CMSS1: variants seen among roughly 807,000 people sequenced by gnomAD.
CMSS1 encodes the protein protein CMSS1.
CMSS1 carries 33 observed loss-of-function variants against 43.5 expected under a neutral mutation model. The ratio of observed to expected loss-of-function variants is 0.76; its 90% confidence interval spans 0.57 to 1.01. The LOEUF is 1.01. CMSS1 is among the 50% of genes least tolerant of loss of function. CMSS1 has a pLI of 0.00. For missense variants in CMSS1, 313 were observed against 326.4 expected, an observed-to-expected ratio of 0.96 and a Z score of 0.32; for synonymous variants, 115 against 117.2, an observed-to-expected ratio of 0.98 and a Z score of 0.12.
intron 1 of CMSS1, among the ~76,000 whole-genome samples, chr3:100,038,948 G>A (rs923470): frequency 0.19 from 28,150 of 152,156 alleles, 2,941 homozygotes; most frequent in South Asian, 0.25. Flanking sequence ...GTCTGCATAT[G>A]TATAAAACGT....
intron 1 of CMSS1, chr3:99,876,178 G>A (rs1354939827): frequency 1.0e-6 from 1 of 985,428 alleles, no homozygotes; most frequent in African/African-American, 1.7e-5. Context: ...CAATGCGAGC[G>A]GGGCGCTGAG....
chr3:99,950,879 G>A (rs1708156601), intron 1 of CMSS1, among the ~76,000 whole-genome samples: 1 of 152,192 alleles, frequency 6.6e-6, no homozygotes, highest in African/African-American at 2.4e-5. Context: ...GAAAGAAAGA[G>A]AGAAAAACTG....
At chr3:100,085,624 C>T (rs1483809362) in intron 1 of CMSS1, among the ~76,000 whole-genome samples, 2 of 152,174 alleles carry the variant, frequency 1.3e-5, no homozygotes, top group East Asian at 3.9e-4. Context: ...CATCCTCAAG[C>T]TTACAGGCTT....
chr3:99,922,690 TG>T (rs1309773685), intron 1 of CMSS1, among the ~76,000 whole-genome samples: 1 of 152,214 alleles, frequency 6.6e-6, no homozygotes, highest in African/African-American at 2.4e-5. Context: ...GAGGGTTAAT[TG>T]TCCTTTCAGT....
At chr3:100,072,177 A>G (rs144404973) in intron 1 of CMSS1, among the ~76,000 whole-genome samples, 5 of 152,360 alleles carry the variant, frequency 3.3e-5, no homozygotes, top group African/African-American at 9.6e-5. Context: ...CTAAAGGTCT[A>G]CTGATCTTGG....
chr3:100,090,901 T>C (rs2066092018), intron 1 of CMSS1, among the ~76,000 whole-genome samples: 1 of 152,148 alleles, frequency 6.6e-6, no homozygotes, highest in African/African-American at 2.4e-5. Context: ...TTAAGAAAAC[T>C]TGAAATGAGT....
chr3:100,133,511 A>G (rs1051413438), intron 1 of CMSS1, among the ~76,000 whole-genome samples: 1 of 152,124 alleles, frequency 6.6e-6, no homozygotes, highest in African/African-American at 2.4e-5. Flanking sequence ...ATGAATATGT[A>G]CTATTTTTAT....
chr3:100,065,451 TC>T (rs2065647731), intron 1 of CMSS1, among the ~76,000 whole-genome samples: 1 of 152,200 alleles, frequency 6.6e-6, no homozygotes, highest in Admixed American at 6.5e-5. Flanking sequence ...CTAGATTCAA[TC>T]CCAGTTCTGT....
intron 1 of CMSS1, among the ~76,000 whole-genome samples, chr3:99,831,504 T>C (rs2107484827): frequency 6.6e-6 from 1 of 152,320 alleles, no homozygotes; most frequent in South Asian, 2.1e-4. Context: ...AACTTGGAGA[T>C]CAGGACATTT....
At chr3:100,132,523 A>G (rs1054814420) in intron 1 of CMSS1, among the ~76,000 whole-genome samples, 2 of 152,060 alleles carry the variant, frequency 1.3e-5, no homozygotes, top group African/African-American at 2.4e-5. Flanking sequence ...CATTCTATGC[A>G]TATAAGAAAA....
intron 1 of CMSS1, among the ~76,000 whole-genome samples, chr3:100,139,840 A>C (rs1366528289): frequency 6.6e-6 from 1 of 151,468 alleles, no homozygotes; most frequent in Non-Finnish European, 1.5e-5. Context: ...TTCTATAAAT[A>C]AAGTTCATCA....
chr3:99,957,499 T>G (rs1708354846), intron 1 of CMSS1, among the ~76,000 whole-genome samples: 1 of 152,118 alleles, frequency 6.6e-6, no homozygotes. Context: ...ATTAGGTTTC[T>G]GTGTGGTAAT....
At chr3:99,886,969 C>CAA (rs544548363) in intron 1 of CMSS1, among the ~76,000 whole-genome samples, 7 of 89,866 alleles carry the variant, frequency 7.8e-5, no homozygotes, top group Admixed American at 1.3e-4. Context: ...GACTCCATCT[C>CAA]AAAAAAAAAA....
chr3:100,041,774 T>C (rs1009043230), intron 1 of CMSS1, among the ~76,000 whole-genome samples: 7 of 152,192 alleles, frequency 4.6e-5, no homozygotes, highest in African/African-American at 1.4e-4. Context: ...CAGAGATCTT[T>C]TAAACAGTAA....
At chr3:99,998,514 G>A (rs1709747167) in intron 1 of CMSS1, among the ~76,000 whole-genome samples, 1 of 152,226 alleles carries the variant, frequency 6.6e-6, no homozygotes, top group Non-Finnish European at 1.5e-5. Context: ...AGTAGGACTT[G>A]TGGGTTGTAC....
intron 1 of CMSS1, among the ~76,000 whole-genome samples, chr3:100,002,205 G>A (rs1709863055): frequency 6.6e-6 from 1 of 152,202 alleles, no homozygotes; most frequent in Non-Finnish European, 1.5e-5. Flanking sequence ...AAGCTGCTGG[G>A]TAAATCACGC....
rs192672005 is a variant in CMSS1 at position 100,105,321 on chromosome 3, A to G, written c.65-41652A>G. 4.3e-3 allele frequency among the ~76,000 whole-genome samples: 658 copies of G among 152,312 alleles called. 5 individuals are homozygous for G. The highest frequency in any genetic ancestry group is 4.8e-3 in the Non-Finnish European group (325 of 68,034). On this transcript the variant is annotated intron_variant, in intron 1 of 9. Transcript: ENST00000421999. Reference sequence around the variant, plus strand: ...TTAGTTTGTTAAGTACTCAGGAAAGACATGAGCAATAGGAATTTGGACTAG... The same window carrying G: ...TTAGTTTGTTAAGTACTCAGGAAAGGCATGAGCAATAGGAATTTGGACTAG...
intron 1 of CMSS1, chr3:99,850,181 T>C: frequency 6.2e-7 from 1 of 1,611,398 alleles, no homozygotes; most frequent in Non-Finnish European, 8.5e-7. Context: ...TCTACAAACA[T>C]CACAGTTAAT....
At chr3:100,100,965 G>A (rs923694069) in intron 1 of CMSS1, among the ~76,000 whole-genome samples, 2 of 152,022 alleles carry the variant, frequency 1.3e-5, no homozygotes, top group African/African-American at 4.8e-5. Context: ...TTTAGCCCAG[G>A]TATATGGAGA....
Sources: gnomAD v4.1 joint callset for allele counts (sites outside exome capture counted in the v4.1 genomes callset) on GRCh38, gnomAD v4.1.1 for gene constraint, MANE v1.5 for transcripts, NCBI Gene and HGNC (gene_info 2026-07-23, HGNC 2026-07-21) for gene names.